DEPDC1B: variants seen among roughly 807,000 people sequenced by gnomAD.
DEPDC1B encodes DEP domain containing 1B.
In DEPDC1B, 51 loss-of-function variants were observed where a neutral mutation model predicts 66.5. That is an observed-to-expected ratio of 0.77 (90% confidence interval 0.61 to 0.97). DEPDC1B has a LOEUF of 0.97. Ranked by LOEUF, DEPDC1B falls within the 50% of genes least tolerant of loss-of-function variation. DEPDC1B has a pLI of 0.00. For missense variants in DEPDC1B, 552 were observed against 637.1 expected, an observed-to-expected ratio of 0.87 and a Z score of 1.44; for synonymous variants, 226 against 223.6, an observed-to-expected ratio of 1.01 and a Z score of -0.10.
intron 2 of DEPDC1B, among the ~76,000 whole-genome samples, chr5:60,683,510 A>T (rs1187313175): frequency 1.3e-5 from 2 of 152,170 alleles, no homozygotes; most frequent in Non-Finnish European, 2.9e-5. Context: ...AATGAAGGAC[A>T]AAAACCATAT....
chr5:60,649,949 G>C (rs189503868), intron 2 of DEPDC1B, among the ~76,000 whole-genome samples: 188 of 152,084 alleles, frequency 1.2e-3, no homozygotes, highest in Middle Eastern at 0.01. Flanking sequence ...GCGCAGCTTG[G>C]TGAATAAGAT....
chr5:60,686,992 T>C lies in DEPDC1B; in HGVS notation c.284A>G (p.Glu95Gly). 1 of 1,614,236 alleles carries C rather than the reference T, an allele frequency of 6.2e-7. No individual in the cohort carries two copies. The highest frequency in any genetic ancestry group is 1.7e-5 in the Admixed American group (1 of 60,020). Residue 95 changes from glutamate to glycine, a missense_variant, in exon 2 of 11, where the codon GAA becomes GGA. Glu to Gly is a moderately conservative substitution (Grantham distance 98). Coordinates refer to ENST00000265036, the MANE Select transcript of DEPDC1B (RefSeq NM_018369.3). ...IEDIKGKWGE[E>G]DFEDNRHLYR... ...TAAGTGACGATTGTCTTCAAAATCT[T>C]CCTCACCCCATTTTCCCTTGATGTC...
chr5:60,621,852 A>G (rs1360693010), intron 7 of DEPDC1B, among the ~76,000 whole-genome samples: 1 of 152,208 alleles, frequency 6.6e-6, no homozygotes, highest in Non-Finnish European at 1.5e-5. Context: ...CAATGAATTC[A>G]AATGTTTTCT....
At position 60,699,065 on chromosome 5, in the gene DEPDC1B, T is replaced by C. The variant is rs528448971; in HGVS notation, c.48+981A>G. 3.9e-5 allele frequency among the ~76,000 whole-genome samples: 6 copies of C among 152,298 alleles called. No homozygotes were observed. In the South Asian group the frequency reaches 1.2e-3, roughly 32 times the overall value. On this transcript the variant is annotated intron_variant, in intron 1 of 10. Transcript: ENST00000265036. ...CAACTATGATTTCTCTTCCAGAAGCTGGCCTTCTCAGCTCTGGCTTGACTT... is the reference window on the plus strand; with the variant it reads ...CAACTATGATTTCTCTTCCAGAAGCCGGCCTTCTCAGCTCTGGCTTGACTT...
At chr5:60,662,041 G>A (rs1753726878) in intron 2 of DEPDC1B, among the ~76,000 whole-genome samples, 1 of 152,038 alleles carries the variant, frequency 6.6e-6, no homozygotes, top group Non-Finnish European at 1.5e-5. Flanking sequence ...CTCTATTAAA[G>A]GCCAACTAAT....
At chr5:60,672,641 T>A (rs544600568) in intron 2 of DEPDC1B, among the ~76,000 whole-genome samples, 14 of 152,284 alleles carry the variant, frequency 9.2e-5, no homozygotes, top group Non-Finnish European at 1.9e-4. Flanking sequence ...GCAAATCATG[T>A]CATACCTACA....
intron 2 of DEPDC1B, among the ~76,000 whole-genome samples, chr5:60,679,087 C>CT (rs1358110280): frequency 6.6e-6 from 1 of 152,116 alleles, no homozygotes; most frequent in Non-Finnish European, 1.5e-5. Flanking sequence ...TGTTGAGGTT[C>CT]TTTTTTTATT....
chr5:60,666,466 G>C (rs941682448), intron 2 of DEPDC1B, among the ~76,000 whole-genome samples: 1 of 152,022 alleles, frequency 6.6e-6, no homozygotes, highest in Admixed American at 6.6e-5. Context: ...ATAACACCTC[G>C]ATGTGGTACT....
At chr5:60,623,166 A>G (rs1327145575) in intron 7 of DEPDC1B, among the ~76,000 whole-genome samples, 1 of 152,192 alleles carries the variant, frequency 6.6e-6, no homozygotes, top group African/African-American at 2.4e-5. Flanking sequence ...ATTTGAGTGC[A>G]TACAGTATAC....
At chr5:60,599,038 G>A in intron 10 of DEPDC1B, 37 bp downstream of exon 10, 1 of 1,516,742 alleles carries the variant, frequency 6.6e-7, no homozygotes, top group Non-Finnish European at 8.8e-7. Flanking sequence ...AAACAGTAGG[G>A]AGGAGAAAAA....
intron 2 of DEPDC1B, among the ~76,000 whole-genome samples, chr5:60,660,312 CA>C (rs888083485): frequency 9.4e-6 from 1 of 106,066 alleles, no homozygotes; most frequent in Non-Finnish European, 2.0e-5. Context: ...GAGAGAGAGA[CA>C]AAGGGGGGGA....
intron 7 of DEPDC1B, among the ~76,000 whole-genome samples, chr5:60,609,213 T>C (rs1043037692): frequency 1.3e-5 from 2 of 152,122 alleles, no homozygotes; most frequent in African/African-American, 4.8e-5. Flanking sequence ...GAAACCTACA[T>C]ACTGGGTGAT....
rs1003074717 is a variant in DEPDC1B, at chr5:60,647,255, C to T, written c.450+143G>A. 143 of 954,606 alleles carry T rather than the reference C, an allele frequency of 1.5e-4. 2 individuals are homozygous for T. The highest frequency in any genetic ancestry group is 2.1e-4 in the Non-Finnish European group (141 of 685,094). The allele number at this position is 954,606 out of a possible 1,614,324, so 59.1% of individuals were successfully genotyped here. On this transcript the variant is annotated intron_variant, in intron 3 of 10. Transcript: ENST00000265036. The stretch of plus-strand genomic sequence containing the variant: ...GAGTCATTCTTTCCTTGTTACTGGT[C>T]TCCCAGCTGTTGGCAGGTACAATTT...
chr5:60,665,113 C>T (rs865782470), intron 2 of DEPDC1B, among the ~76,000 whole-genome samples: 4 of 152,068 alleles, frequency 2.6e-5, no homozygotes, highest in Non-Finnish European at 5.9e-5. Context: ...TCTGGGAAAC[C>T]AAACCCCAGT....
intron 1 of DEPDC1B, among the ~76,000 whole-genome samples, chr5:60,693,112 C>T (rs1005445729): frequency 3.3e-5 from 5 of 152,072 alleles, no homozygotes; most frequent in African/African-American, 1.2e-4. Context: ...ACTTTTTATA[C>T]AACTCAACAA....
At chr5:60,667,584 A>T in intron 2 of DEPDC1B, among the ~76,000 whole-genome samples, 1 of 143,818 alleles carries the variant, frequency 7.0e-6, no homozygotes, top group South Asian at 2.2e-4. Flanking sequence ...GATATTTTAC[A>T]TATATAAAAA....
At chr5:60,613,900 T>A (rs990533086) in intron 7 of DEPDC1B, among the ~76,000 whole-genome samples, 12 of 151,900 alleles carry the variant, frequency 7.9e-5, no homozygotes, top group African/African-American at 2.9e-4. Context: ...CATTCCTGTA[T>A]GACCACCCAA....
chr5:60,599,547 C>T (rs1193926030), intron 9 of DEPDC1B, among the ~76,000 whole-genome samples: 1 of 152,194 alleles, frequency 6.6e-6, no homozygotes, highest in Non-Finnish European at 1.5e-5. Flanking sequence ...GGCCCCAAAA[C>T]TGGCCATAAA....
At chr5:60,612,612 C>T (rs1299517409) in intron 7 of DEPDC1B, among the ~76,000 whole-genome samples, 1 of 148,200 alleles carries the variant, frequency 6.7e-6, no homozygotes, top group Non-Finnish European at 1.5e-5. Flanking sequence ...TCTGAGGGTC[C>T]TGCAGGGAAG....
Sources: allele counts gnomAD v4.1 joint callset (sites outside exome capture counted in the v4.1 genomes callset), GRCh38; gene constraint gnomAD v4.1.1; transcripts MANE v1.5; gene names NCBI Gene and HGNC (gene_info 2026-07-23, HGNC 2026-07-21).